PIK3AP1: variants seen among roughly 807,000 people sequenced by gnomAD.
PIK3AP1 encodes the protein phosphoinositide 3-kinase adapter protein 1.
A neutral mutation model predicts 88.1 loss-of-function variants in PIK3AP1; 21 were observed. The ratio of observed to expected loss-of-function variants is 0.24; its 90% CI spans 0.17 to 0.34. The LOEUF is 0.34. PIK3AP1 is among the 10% of genes least tolerant of loss of function. The pLI, the probability that PIK3AP1 is intolerant of heterozygous loss-of-function variation, is 1.00. For synonymous variants in PIK3AP1, 398 were observed against 400.0 expected, an observed-to-expected ratio of 1.00 and a Z score of 0.06; for missense variants, 828 against 1,035.7, an observed-to-expected ratio of 0.80 and a Z score of 2.75.
Position 96,700,031 on chromosome 10 carries a change from T to C in PIK3AP1, c.430+9536A>G, listed in dbSNP as rs1402335241. Among the ~76,000 whole-genome samples the C allele has an allele frequency of 3.3e-5, 5 of 152,352 alleles. No homozygotes were observed. In the East Asian group the frequency reaches 9.6e-4, roughly 29 times the overall value. On this transcript the variant is annotated intron_variant, in intron 2 of 16. Coordinates refer to ENST00000339364, the MANE Select transcript of PIK3AP1 (RefSeq NM_152309.3). ...TGACCGATAAAATTCCTACATCTGA[T>C]GTTTCCATTCTGGCATACATTAGAA...
At chr10:96,698,406 T>G (rs1327591553) in intron 2 of PIK3AP1, among the ~76,000 whole-genome samples, 3 of 152,086 alleles carry the variant, frequency 2.0e-5, no homozygotes, top group East Asian at 3.8e-4. Flanking sequence ...ATTCCAGCAC[T>G]TTGAGAGGCT....
At chr10:96,622,522 A>T (rs1014094920) in intron 11 of PIK3AP1, among the ~76,000 whole-genome samples, 1 of 152,214 alleles carries the variant, frequency 6.6e-6, no homozygotes, top group Non-Finnish European at 1.5e-5. Flanking sequence ...AGAGACGTTT[A>T]TCTATCATTC....
In PIK3AP1 at chr10:96,720,153, G is replaced by A. The variant is rs1016228635; in HGVS notation, c.13+229C>T. On this transcript the variant is annotated intron_variant, in intron 1 of 16. Transcript: ENST00000339364. The surrounding 1 kb of genome is among the most constrained non-coding windows in gnomAD (Gnocchi z 4.6). ...AAGGAGACCCTGAAGAAGTGGGAGG[G>A]GGTCGGGCCAGGCAGGGGCTGAAGA... Among the ~76,000 whole-genome samples the A allele has an allele frequency of 3.2e-4, 49 of 152,240 alleles. No individual in the cohort carries two copies. Among genetic ancestry groups the A allele is most frequent in the African/African-American group, 1.2e-3 (49 of 41,462 alleles).
At chr10:96,631,946 T>C (rs2134213384) in intron 8 of PIK3AP1, among the ~76,000 whole-genome samples, 1 of 151,844 alleles carries the variant, frequency 6.6e-6, no homozygotes, top group South Asian at 2.1e-4. Context: ...TGAGCACCAG[T>C]AATGAGACTT....
At position 96,709,637 on chromosome 10, in the gene PIK3AP1, A is replaced by G. The variant is rs549333065; in HGVS notation, c.360T>C (p.His120=). ...EFLDFFPDWA[H]WQELTCDDEP... is the part of the protein sequence containing the mutation. ...CATCGTCACAGGTGAGCTCCTGCCA[A>G]TGGGCCCAATCTGGAAAGAAGTCTA... The change falls in exon 2 of 17, where the codon CAT becomes CAC. Residue 120 remains histidine, a synonymous_variant. Transcript: ENST00000339364. 129 of 1,613,894 alleles carry G rather than the reference A, an allele frequency of 8.0e-5. 1 individual carries two copies. The South Asian group carries it at 1.3e-3, about 17-fold the overall frequency.
At chr10:96,605,979 G>A (rs1848995659) in intron 14 of PIK3AP1, among the ~76,000 whole-genome samples, 1 of 152,160 alleles carries the variant, frequency 6.6e-6, no homozygotes, top group Non-Finnish European at 1.5e-5. Flanking sequence ...AGCTACTTGG[G>A]ACACTGAGGC....
intron 2 of PIK3AP1, chr10:96,700,936 G>GTCATGACC (rs2134283245): frequency 1.0e-6 from 1 of 975,520 alleles, no homozygotes; most frequent in Non-Finnish European, 1.2e-6. Context: ...TGGGACTACT[G>GTCATGACC]TGCCCATAAC....
intron 8 of PIK3AP1, among the ~76,000 whole-genome samples, chr10:96,634,597 T>C (rs898882577): frequency 5.3e-5 from 8 of 152,212 alleles, no homozygotes; most frequent in Admixed American, 3.3e-4. Flanking sequence ...TAACAGTACC[T>C]ACCTCATATG....
At chr10:96,622,222 G>A (rs1303225610) in intron 11 of PIK3AP1, among the ~76,000 whole-genome samples, 1 of 152,228 alleles carries the variant, frequency 6.6e-6, no homozygotes, top group African/African-American at 2.4e-5. Flanking sequence ...GGTTGTTCCT[G>A]TGCCAACCTC....
chr10:96,631,704 C>T (rs563198760), intron 8 of PIK3AP1, among the ~76,000 whole-genome samples: 2 of 152,128 alleles, frequency 1.3e-5, no homozygotes, highest in South Asian at 4.1e-4. Flanking sequence ...AGCCTCATGG[C>T]AAAACCCCAT....
At position 96,698,305 on chromosome 10, in the gene PIK3AP1, G is replaced by T. The variant is rs527999395; in HGVS notation, c.430+11262C>A. 4.6e-5 allele frequency among the ~76,000 whole-genome samples: 7 copies of T among 152,240 alleles called. No individual in the cohort carries two copies. The East Asian group carries it at 1.2e-3, about 25-fold the overall frequency. On this transcript the variant is annotated intron_variant, in intron 2 of 16. Coordinates refer to ENST00000339364, the MANE Select transcript of PIK3AP1 (RefSeq NM_152309.3). ...CAAAATATAGAAGGGAACAAAGAAGGGGGGAGTGGGAAGGAAAAACAAGAA... is the reference window on the plus strand; with the variant it reads ...CAAAATATAGAAGGGAACAAAGAAGTGGGGAGTGGGAAGGAAAAACAAGAA...
intron 1 of PIK3AP1, 125 bp from the exon 2 acceptor site, chr10:96,710,108 C>T: frequency 1.4e-6 from 1 of 734,282 alleles, no homozygotes; most frequent in Non-Finnish European, 2.2e-6. Context: ...TGGTGTGCCT[C>T]CAGCACACCA....
chr10:96,671,416 C>T (rs76181008), intron 2 of PIK3AP1, among the ~76,000 whole-genome samples: 4,117 of 152,222 alleles, frequency 0.027, 79 homozygotes, highest in Middle Eastern at 0.068. Context: ...AGTGAATTTC[C>T]CGTCCAACTA....
intron 8 of PIK3AP1, among the ~76,000 whole-genome samples, chr10:96,644,515 T>G (rs1269470098): frequency 6.6e-6 from 1 of 152,188 alleles, no homozygotes; most frequent in African/African-American, 2.4e-5. Flanking sequence ...CAGTTAAAGA[T>G]TCCTATTTTG....
chr10:96,639,596 G>A (rs907924065), intron 8 of PIK3AP1, among the ~76,000 whole-genome samples: 11 of 152,200 alleles, frequency 7.2e-5, no homozygotes, highest in African/African-American at 1.9e-4. Context: ...TATTTATGGA[G>A]GAGCAAAAAG....
At chr10:96,711,452 C>G (rs1370483256) in intron 1 of PIK3AP1, among the ~76,000 whole-genome samples, 1 of 152,224 alleles carries the variant, frequency 6.6e-6, no homozygotes, top group African/African-American at 2.4e-5. Flanking sequence ...CCATACAACA[C>G]AACAGGGAAC....
intron 2 of PIK3AP1, among the ~76,000 whole-genome samples, chr10:96,689,431 G>A (rs982859082): frequency 4.6e-5 from 7 of 151,544 alleles, no homozygotes; most frequent in South Asian, 2.1e-4. Context: ...TTAGCTGGGC[G>A]TGGTGGCGGG....
chr10:96,706,498 A>G (rs1337122842), intron 2 of PIK3AP1, among the ~76,000 whole-genome samples: 1 of 152,174 alleles, frequency 6.6e-6, no homozygotes, highest in Non-Finnish European at 1.5e-5. Flanking sequence ...CTGGGAGTCA[A>G]AGCAGGTATG....
In PIK3AP1 at chr10:96,605,824, G is replaced by A. The variant is rs184966107; in HGVS notation, c.2171-1775C>T. 2.4e-3 allele frequency among the ~76,000 whole-genome samples: 366 copies of A among 152,258 alleles called. 1 individual carries two copies. Among genetic ancestry groups the A allele is most frequent in the African/African-American group, 7.6e-3 (314 of 41,550 alleles). ...ACATGAGCCGGGTGCGGTGGCTCAC[G>A]CCTGTAATCCCTACACTTTGGGAGG... is the stretch of plus-strand genomic sequence containing the variant. On this transcript the variant is annotated intron_variant, in intron 14 of 16. Coordinates refer to ENST00000339364, the MANE Select transcript of PIK3AP1 (RefSeq NM_152309.3).
Sources: gnomAD v4.1 joint callset for allele counts (sites outside exome capture counted in the v4.1 genomes callset) on GRCh38, gnomAD v4.1.1 for gene constraint, Gnocchi (gnomAD v3.1) non-coding constraint, MANE v1.5 for transcripts, NCBI Gene and HGNC (gene_info 2026-07-23, HGNC 2026-07-21) for gene names.